Variants in C4orf50 observed in about 807,000 individuals in gnomAD.
C4orf50 encodes uncharacterized protein C4orf50.
A neutral mutation model predicts 77.2 loss-of-function variants in C4orf50; 80 were observed. The ratio of observed to expected loss-of-function variants is 1.04; its 90% confidence interval spans 0.87 to 1.25. C4orf50 has a LOEUF of 1.25. C4orf50 is among the 50% of genes most tolerant of loss of function. The pLI is 0.00. For missense variants in C4orf50, 1,257 were observed against 1,152.9 expected (o/e 1.09, Z -1.31); for synonymous variants, 532 against 465.3 (o/e 1.14, Z -1.84).
chr4:6,002,271 G>C (rs891524723), intron 25 of C4orf50, among the ~76,000 whole-genome samples: 1 of 152,178 alleles, frequency 6.6e-6, no homozygotes, highest in African/African-American at 2.4e-5. Context: ...AAGATTGCCA[G>C]GAGCCACCAG....
At chr4:6,001,652 C>T (rs1386069521) in intron 25 of C4orf50, among the ~76,000 whole-genome samples, 1 of 152,232 alleles carries the variant, frequency 6.6e-6, no homozygotes, top group Non-Finnish European at 1.5e-5. Context: ...AGAGTCAGTG[C>T]TATCTTCCCT....
Position 6,011,837 on chromosome 4 carries a change from G to A in C4orf50, c.419C>T (p.Ala140Val). Residue 140 changes from alanine (A) to valine (V), a missense_variant, in exon 24 of 34, where the codon GCC becomes GTC. Physicochemically the swap from Ala to Val is moderately conservative, Grantham distance 64 (BLOSUM62 0). Coordinates refer to ENST00000531445, the Ensembl canonical transcript of C4orf50. The surrounding 1 kb of genome is among the most constrained non-coding windows in gnomAD (Gnocchi z 4.2). ...AGGAGAAGGAAACGGTACCTGGCTG[G>A]CCAGCTCCCCCTGCAGCGCCGCCAG... 2.5e-6 allele frequency: 1 copy of A among 399,064 alleles called. No individual in the cohort carries two copies. The allele number at this position is 399,064 out of a possible 1,614,324, so 24.7% of individuals were successfully genotyped here. A position where few individuals can be genotyped will look rare whatever the true frequency, so the allele number is the denominator to read the frequency against.
intron 7 of C4orf50, among the ~76,000 whole-genome samples, chr4:5,942,525 G>A (rs1718311507): frequency 6.6e-6 from 1 of 152,224 alleles, no homozygotes; most frequent in Admixed American, 6.5e-5. Flanking sequence ...GGGGATGAGG[G>A]AGGGAGGCTT....
intron 30 of C4orf50, among the ~76,000 whole-genome samples, chr4:5,975,082 G>A (rs553850917): frequency 7.1e-6 from 1 of 141,236 alleles, no homozygotes; most frequent in South Asian, 2.3e-4. Flanking sequence ...AGAGGTTGCA[G>A]TGAGCCAAAA....
intron 25 of C4orf50, among the ~76,000 whole-genome samples, chr4:6,004,378 A>G (rs1428309374): frequency 1.2e-4 from 4 of 33,238 alleles, no homozygotes; most frequent in Non-Finnish European, 2.5e-4. Flanking sequence ...GGTGATGGTG[A>G]TGATGGTGAT....
At chr4:5,995,617 T>A (rs1721541049) in intron 25 of C4orf50, among the ~76,000 whole-genome samples, 1 of 152,116 alleles carries the variant, frequency 6.6e-6, no homozygotes, top group Non-Finnish European at 1.5e-5. Context: ...CCCGGTGCTG[T>A]TGGCTGCCTC....
chr4:5,980,376 A>G (rs1720514367), intron 28 of C4orf50, 38 bp from the exon 7 acceptor site: 1 of 1,588,740 alleles, frequency 6.3e-7, no homozygotes, highest in East Asian at 2.3e-5. Context: ...TGTTTAGGTT[A>G]TCCTTCAAGC....
exon 28 of C4orf50, chr4:5,990,150 G>A (rs1252517913): frequency 7.1e-6 from 9 of 1,258,888 alleles, no homozygotes; most frequent in African/African-American, 1.5e-5. Context: ...TTGATACTGA[G>A]GCCTCCCCCT....
At chr4:5,989,458 A>G in exon 28 of C4orf50, 1 of 1,536,022 alleles carries the variant, frequency 6.5e-7, no homozygotes, top group Non-Finnish European at 8.7e-7. Context: ...ATTAGAACAA[A>G]TACCCCAATT....
chr4:5,995,902 C>T (rs1721556441), intron 25 of C4orf50, among the ~76,000 whole-genome samples: 1 of 152,170 alleles, frequency 6.6e-6, no homozygotes, highest in Admixed American at 6.5e-5. Flanking sequence ...TTCTCACTTG[C>T]TCCCCAGGTC....
At position 6,009,730 on chromosome 4, in the gene C4orf50, ATGGAAAACTCGCTCAAGCACTCC is replaced by A. The variant is rs1722410667; in HGVS notation, c.427-1221_427-1199del. 6.6e-6 allele frequency among the ~76,000 whole-genome samples: 1 copy of A among 152,234 alleles called. No individual in the cohort carries two copies. The highest frequency in any genetic ancestry group is 2.4e-5 in the African/African-American group (1 of 41,460). The stretch of plus-strand genomic sequence containing the variant: ...TTTGGTACATACAGGTGCAAAGGGC[ATGGAAAACTCGCTCAAGCACTCC>A]TGCAAAACTCGCTTCAAAATACAGA... On this transcript the variant is annotated intron_variant, in intron 24 of 33. Coordinates refer to ENST00000531445, the Ensembl canonical transcript of C4orf50. This position sits in a 1 kb window ranked among gnomAD's most constrained non-coding sequence, Gnocchi z 5.6.
At chr4:5,942,385 T>C (rs1433561334) in intron 7 of C4orf50, among the ~76,000 whole-genome samples, 1 of 152,170 alleles carries the variant, frequency 6.6e-6, no homozygotes, top group Non-Finnish European at 1.5e-5. Context: ...AAGTGACTTG[T>C]CTGCTCCAAG....
At chr4:5,966,578 A>G (rs1252810156) in intron 32 of C4orf50, among the ~76,000 whole-genome samples, 1 of 151,916 alleles carries the variant, frequency 6.6e-6, no homozygotes, top group Non-Finnish European at 1.5e-5. Context: ...GTGCTGTCCT[A>G]GCCTAAGTTG....
intron 29 of C4orf50, among the ~76,000 whole-genome samples, chr4:5,976,751 G>T (rs1404477557): frequency 6.6e-6 from 1 of 152,238 alleles, no homozygotes; most frequent in Admixed American, 6.5e-5. Flanking sequence ...ACCTATCCAT[G>T]TAAAGTGCTT....
At chr4:5,994,375 A>G (rs957428119) in exon 26 of C4orf50, 1 of 399,306 alleles carries the variant, frequency 2.5e-6, no homozygotes, top group Non-Finnish European at 4.4e-6. Context: ...TGGGTGCATC[A>G]TTGGACCGCA....
At chr4:5,985,006 T>C (rs1045686573) in intron 28 of C4orf50, among the ~76,000 whole-genome samples, 1 of 149,512 alleles carries the variant, frequency 6.7e-6, no homozygotes, top group African/African-American at 2.5e-5. Flanking sequence ...TTAGGGGGAG[T>C]GAGGGAGAAA....
chr4:5,949,359 T>G (rs1275726362), intron 7 of C4orf50, among the ~76,000 whole-genome samples: 1 of 152,152 alleles, frequency 6.6e-6, no homozygotes, highest in Non-Finnish European at 1.5e-5. Flanking sequence ...TTATTCACCC[T>G]CAAAAGAAGG....
chr4:5,917,103 G>A (rs187650450), intron 7 of C4orf50, among the ~76,000 whole-genome samples: 1 of 152,166 alleles, frequency 6.6e-6, no homozygotes, highest in Non-Finnish European at 1.5e-5. Flanking sequence ...CACATTTTTT[G>A]ATATAATTCT....
chr4:5,919,999 T>C lies in C4orf50; in HGVS notation c.*2475-21811A>G, dbSNP rs28693379. 0.11 allele frequency among the ~76,000 whole-genome samples: 16,419 copies of C among 152,264 alleles called. 2,052 individuals carry two copies. The highest frequency in any genetic ancestry group is 0.31 in the African/African-American group (12,701 of 41,504). On this transcript the variant is annotated intron_variant, in intron 7 of 7. Coordinates refer to the C4orf50 transcript ENST00000324058. This position sits in a 1 kb window ranked among gnomAD's most constrained non-coding sequence, Gnocchi z 6.5. ...AACAACACAGTATGACAACTACTTA[T>C]AGAGCATTTACATTGTATTAGGTAT...
Sources: gnomAD v4.1 joint callset for allele counts (sites outside exome capture counted in the v4.1 genomes callset) on GRCh38, gnomAD v4.1.1 for gene constraint, Gnocchi (gnomAD v3.1) non-coding constraint, MANE v1.5 for transcripts, NCBI Gene and HGNC (gene_info 2026-07-23, HGNC 2026-07-21) for gene names.